Variants in PAPLN observed in about 807,000 individuals in gnomAD.
PAPLN encodes the protein papilin, proteoglycan like sulfated glycoprotein, also known as papilin.
PAPLN carries 146 observed loss-of-function variants against 159.0 expected under a neutral mutation model. The ratio of observed to expected loss-of-function variants is 0.92; its 90% CI spans 0.80 to 1.05. PAPLN has a LOEUF of 1.05. Among genes scored for constraint, PAPLN ranks in the 50% least tolerant of loss-of-function variants. The probability of loss-of-function intolerance (pLI) is 0.00; values close to 1 mark genes in which losing one functional copy is unlikely to be tolerated. For synonymous variants in PAPLN, 734 were observed against 702.9 expected (o/e 1.04, Z -0.70); for missense variants, 1,720 against 1,743.9 (o/e 0.99, Z 0.24).
At position 73,251,005 on chromosome 14, in the gene PAPLN, C is replaced by T; in HGVS notation, c.564C>T (p.Thr188=). The change falls in exon 7 of 27, where the codon ACC becomes ACT. Residue 188 remains threonine, a synonymous_variant. Transcript: ENST00000644200. ...CGACCTGCTACCCCGTCGCAGGCAC[C>T]TTTGACGCTAATGACCTCAGCCGAG... ...DGTTCYPVAG[T]FDANDLSRGY... 1.2e-6 allele frequency: 2 copies of T among 1,613,252 alleles called. No homozygotes were observed. Among genetic ancestry groups the T allele is most frequent in the African/African-American group, 1.3e-5 (1 of 75,048 alleles).
intron 1 of PAPLN, among the ~76,000 whole-genome samples, chr14:73,238,709 C>A (rs1473700206): frequency 6.6e-6 from 1 of 152,202 alleles, no homozygotes; most frequent in African/African-American, 2.4e-5. Context: ...CGAACTTGAC[C>A]ACGAAAATAA....
intron 18 of PAPLN, 47 bp from the exon 19 acceptor site, chr14:73,262,303 T>C: frequency 9.7e-6 from 15 of 1,542,790 alleles, no homozygotes; most frequent in Non-Finnish European, 1.3e-5. Context: ...GGGTGCAGCT[T>C]TAGTACTGGG....
At chr14:73,262,207 C>T in intron 18 of PAPLN, 143 bp from the exon 19 acceptor site, 1 of 843,378 alleles carries the variant, frequency 1.2e-6, no homozygotes, top group South Asian at 1.7e-5. Context: ...GATCCCAGGG[C>T]CAGGTCAGGC....
rs768470554 is a variant in PAPLN at position 73,239,837 on chromosome 14, G to C, written c.54+5G>C. On this transcript the variant is annotated splice_donor_5th_base_variant and intron_variant, in intron 2 of 26. Transcript: ENST00000644200. The stretch of plus-strand genomic sequence containing the variant: ...GCTCCAGCGCCCGGGTCCTCGGTGA[G>C]TGCGGTCCTGCCCCGGCCCCCGGAG... 61 of 1,585,456 alleles carry C rather than the reference G, an allele frequency of 3.8e-5. No individual in the cohort carries two copies. The highest frequency in any genetic ancestry group is 5.0e-5 in the Non-Finnish European group (59 of 1,171,894).
chr14:73,246,530 GTCTC>G (rs975047018), intron 5 of PAPLN, among the ~76,000 whole-genome samples: 1 of 150,738 alleles, frequency 6.6e-6, no homozygotes, highest in African/African-American at 2.4e-5. Context: ...AGAGCAAGAG[GTCTC>G]TCTTTTTCTT....
Position 73,251,492 on chromosome 14 carries a change from A to G in PAPLN, c.596A>G (p.Asn199Ser). The change falls in exon 8 of 27, where the codon AAC becomes AGC. Residue 199 changes from asparagine (N) to serine (S), a missense_variant. By Grantham distance (46) the Asn-to-Ser change is conservative. Transcript: ENST00000644200. ...CCTGCGTCTCTGCCCCCAGGCTACAACCAGATCCTCATAGTTCCCATGGGT... is the reference window on the plus strand; with the variant it reads ...CCTGCGTCTCTGCCCCCAGGCTACAGCCAGATCCTCATAGTTCCCATGGGT... ...FDANDLSRGY[N>S]QILIVPMGAT... 1 of 1,606,940 alleles carries G rather than the reference A, an allele frequency of 6.2e-7. No homozygotes were observed. Among genetic ancestry groups the G allele is most frequent in the East Asian group, 2.2e-5 (1 of 44,872 alleles).
chr14:73,248,029 T>TGTGG (rs1884758165), intron 5 of PAPLN, among the ~76,000 whole-genome samples: 2 of 77,838 alleles, frequency 2.6e-5, no homozygotes, highest in Non-Finnish European at 4.8e-5. Flanking sequence ...TGTGTGTGTG[T>TGTGG]TGGGATTGTG....
chr14:73,245,804 C>T lies in PAPLN; in HGVS notation c.231+108C>T. ...GCCGCGGGCTGCTGGGTTGGCCCAG[C>T]CTGGGGTCCTCCCGCCAATCCACAG... On this transcript the variant is annotated intron_variant, in intron 4 of 26. Coordinates refer to ENST00000644200, the MANE Select transcript of PAPLN (RefSeq NM_001365906.3). This position sits in a 1 kb window ranked among gnomAD's most constrained non-coding sequence, Gnocchi z 4.2. 2 of 1,378,392 alleles carry T rather than the reference C, an allele frequency of 1.5e-6. No individual in the cohort carries two copies. The highest frequency in any genetic ancestry group is 1.4e-5 in the African/African-American group (1 of 69,942). 85.4% of individuals were successfully genotyped at this position (1,378,392 alleles called of 1,614,324 possible).
At chr14:73,270,486 G>C (rs1399377683) in intron 26 of PAPLN, among the ~76,000 whole-genome samples, 2 of 152,214 alleles carry the variant, frequency 1.3e-5, no homozygotes, top group African/African-American at 4.8e-5. Context: ...CAGATACATG[G>C]TGACTAAGTG....
At chr14:73,253,213 G>T (rs371892319) in intron 11 of PAPLN, 45 of 1,359,482 alleles carry the variant, frequency 3.3e-5, no homozygotes, top group Non-Finnish European at 4.0e-5. Context: ...GGCCCAGCGA[G>T]TGTGTGGGAA....
intron 26 of PAPLN, among the ~76,000 whole-genome samples, chr14:73,271,395 G>C (rs1367681301): frequency 6.6e-6 from 1 of 152,106 alleles, no homozygotes; most frequent in Non-Finnish European, 1.5e-5. Flanking sequence ...AGAAAGATAA[G>C]CTTTCTCTGG....
At chr14:73,263,987 A>ACCTCCTCTGACATGTGTGTGTGACG in intron 20 of PAPLN, 1 of 1,336,104 alleles carries the variant, frequency 7.5e-7, no homozygotes, top group Non-Finnish European at 9.8e-7. Flanking sequence ...TGTGTGTGAC[A>ACCTCCTCTGACATGTGTGTGTGACG]GCCCCCCGAC....
intron 26 of PAPLN, 118 bp from the exon 27 acceptor site, chr14:73,272,377 G>A (rs1887817520): frequency 1.4e-5 from 14 of 1,009,090 alleles, no homozygotes; most frequent in Admixed American, 2.6e-5. Flanking sequence ...AGTGCACTTC[G>A]TTTTCAATCT....
Position 73,251,678 on chromosome 14 carries a change from C to G in PAPLN, c.685C>G (p.Arg229Gly), listed in dbSNP as rs140266051. ...SRNFLAVKNV[R>G]GEYYLNGHWT... ...CCTCTGCGCAGCTGTGAAGAATGTTCGTGGGGAATACTACCTCAATGGGCA... is the reference window on the plus strand; with the variant it reads ...CCTCTGCGCAGCTGTGAAGAATGTTGGTGGGGAATACTACCTCAATGGGCA... Residue 229 changes from arginine to glycine, a missense_variant, in exon 9 of 27, where the codon CGT (arginine) becomes GGT (glycine). By Grantham distance (125) the Arg-to-Gly change is moderately radical. Coordinates refer to ENST00000644200, the MANE Select transcript of PAPLN (RefSeq NM_001365906.3). The G allele has an allele frequency of 2.5e-6, 4 of 1,613,436 alleles. No individual in the cohort carries two copies. The highest frequency in any genetic ancestry group is 1.6e-4 in the Middle Eastern group (1 of 6,062).
In PAPLN at chr14:73,250,913, G is replaced by T; in HGVS notation, c.472G>T (p.Gly158Cys). Residue 158 changes from glycine (G) to cysteine (C), a missense_variant, in exon 7 of 27, where the codon GGC becomes TGC. By Grantham distance (159) the Gly-to-Cys change is radical. Transcript: ENST00000644200. ...VCVDGSCRVV[G>C]CDHELDSSKQ... ...CCCGCATCTCTGCCCACAGGTTGTCGGCTGTGATCACGAGCTGGACTCGTC... is the reference window on the plus strand; with the variant it reads ...CCCGCATCTCTGCCCACAGGTTGTCTGCTGTGATCACGAGCTGGACTCGTC... 6.2e-7 allele frequency: 1 copy of T among 1,611,984 alleles called. No individual in the cohort carries two copies.
chr14:73,270,026 G>C (rs531010201), intron 26 of PAPLN, among the ~76,000 whole-genome samples: 19 of 152,334 alleles, frequency 1.2e-4, no homozygotes, highest in African/African-American at 4.3e-4. Flanking sequence ...TCAGTGCTTG[G>C]CATCACTAGG....
intron 5 of PAPLN, among the ~76,000 whole-genome samples, chr14:73,249,199 A>G (rs1013982715): frequency 9.9e-5 from 15 of 152,180 alleles, no homozygotes; most frequent in African/African-American, 3.4e-4. Context: ...TTAGCATTTC[A>G]TTTTAGCCCC....
At chr14:73,269,993 A>AT (rs1201693858) in intron 26 of PAPLN, among the ~76,000 whole-genome samples, 1 of 152,178 alleles carries the variant, frequency 6.6e-6, no homozygotes, top group African/African-American at 2.4e-5. Context: ...ATCTCTTTAG[A>AT]GATCGCCTCC....
At chr14:73,270,180 C>T (rs929433266) in intron 26 of PAPLN, among the ~76,000 whole-genome samples, 1 of 152,234 alleles carries the variant, frequency 6.6e-6, no homozygotes, top group African/African-American at 2.4e-5. Context: ...GCTCGGCCCA[C>T]CGTCTCGCTC....
Sources: allele counts gnomAD v4.1 joint callset (sites outside exome capture counted in the v4.1 genomes callset), GRCh38; gene constraint gnomAD v4.1.1; non-coding constraint Gnocchi (gnomAD v3.1); transcripts MANE v1.5; gene names NCBI Gene and HGNC (gene_info 2026-07-23, HGNC 2026-07-21).